Variants in ABCA13 observed in about 807,000 individuals in gnomAD.
ABCA13 encodes ATP binding cassette subfamily A member 13.
A neutral mutation model predicts 478.7 loss-of-function variants in ABCA13; 476 were observed. The observed-to-expected ratio is 0.99, with a 90% CI of 0.92 to 1.07. The LOEUF (loss-of-function observed/expected upper bound fraction) is 1.07. Among genes scored for constraint, ABCA13 ranks in the 50% least tolerant of loss-of-function variants. The pLI is 0.00. For synonymous variants in ABCA13, 2,252 were observed against 2,158.9 expected (o/e 1.04, Z -1.20); for missense variants, 6,060 against 5,910.6 (o/e 1.03, Z -0.83).
chr7:48,591,478 T>A (rs745868521), intron 57 of ABCA13, among the ~76,000 whole-genome samples: 1 of 152,018 alleles, frequency 6.6e-6, no homozygotes. Context: ...TTTTTAAATA[T>A]AAATTTCAGT....
At chr7:48,195,817 G>A (rs1797849851) in intron 2 of ABCA13, among the ~76,000 whole-genome samples, 1 of 152,096 alleles carries the variant, frequency 6.6e-6, no homozygotes, top group African/African-American at 2.4e-5. Context: ...GTCTGCCTGG[G>A]AAGCACTGAA....
At chr7:48,644,414 G>A (rs950370861) in intron 60 of ABCA13, among the ~76,000 whole-genome samples, 4 of 152,168 alleles carry the variant, frequency 2.6e-5, no homozygotes, top group African/African-American at 9.7e-5. Context: ...GGGCAGAACA[G>A]CAATGCCACT....
chr7:48,226,974 T>C (rs1237118385), intron 5 of ABCA13, among the ~76,000 whole-genome samples: 2 of 152,192 alleles, frequency 1.3e-5, no homozygotes, highest in African/African-American at 4.8e-5. Flanking sequence ...TAGAAGTTGG[T>C]ACAGCTTGTT....
chr7:48,504,161 C>G (rs1732340612), intron 48 of ABCA13, among the ~76,000 whole-genome samples: 1 of 152,088 alleles, frequency 6.6e-6, no homozygotes, highest in African/African-American at 2.4e-5. Context: ...ACAACATATG[C>G]CTGCAGCCAT....
At chr7:48,576,415 GT>G (rs1788191959) in intron 55 of ABCA13, among the ~76,000 whole-genome samples, 1 of 152,164 alleles carries the variant, frequency 6.6e-6, no homozygotes, top group Admixed American at 6.5e-5. Context: ...GATTCTCCAT[GT>G]GAAGACAGGG....
chr7:48,403,686 T>G lies in ABCA13; in HGVS notation c.11877T>G (p.Thr3959=). The change falls in exon 39 of 62, where the codon ACT becomes ACG. Residue 3959 remains threonine (T), a synonymous_variant. Transcript: ENST00000435803. The stretch of plus-strand genomic sequence containing the variant: ...TGATGTTTTCTTCTAATTTCAGAAC[T>G]CTTCAGGATGTGGACTTAACTCAGC... ...KKELHQQVNQ[T]LQDVDLTQHQ... is the part of the protein sequence containing the mutation. The G allele has an allele frequency of 6.2e-7, 1 of 1,613,726 alleles. No homozygotes were observed. Among genetic ancestry groups the G allele is most frequent in the South Asian group, 1.1e-5 (1 of 91,022 alleles).
At chr7:48,173,675 A>G (rs1474127532) in intron 1 of ABCA13, among the ~76,000 whole-genome samples, 1 of 152,256 alleles carries the variant, frequency 6.6e-6, no homozygotes, top group Non-Finnish European at 1.5e-5. Context: ...GAAACAACAC[A>G]AGTGGTTCCA....
chr7:48,531,965 C>T (rs539593736), intron 55 of ABCA13, among the ~76,000 whole-genome samples: 71 of 152,140 alleles, frequency 4.7e-4, no homozygotes, highest in Non-Finnish European at 9.0e-4. Flanking sequence ...CTGACTTCCT[C>T]TTTACCAATT....
intron 43 of ABCA13, among the ~76,000 whole-genome samples, chr7:48,466,059 T>C (rs1826844063): frequency 6.6e-6 from 1 of 152,200 alleles, no homozygotes; most frequent in South Asian, 2.1e-4. Flanking sequence ...AAAAGTATTT[T>C]ATAAATAATG....
At chr7:48,301,501 C>T (rs1800151298) in intron 23 of ABCA13, among the ~76,000 whole-genome samples, 1 of 151,882 alleles carries the variant, frequency 6.6e-6, no homozygotes, top group South Asian at 2.1e-4. Flanking sequence ...AGAGCAGACA[C>T]TGGTCAAAAT....
At chr7:48,405,964 A>G (rs1818208810) in intron 39 of ABCA13, among the ~76,000 whole-genome samples, 1 of 152,234 alleles carries the variant, frequency 6.6e-6, no homozygotes, top group Non-Finnish European at 1.5e-5. Flanking sequence ...TGTGTTTTCA[A>G]GAATCAAAAT....
chr7:48,263,490 C>A (rs1010732682), intron 15 of ABCA13, among the ~76,000 whole-genome samples: 2 of 151,798 alleles, frequency 1.3e-5, no homozygotes, highest in African/African-American at 4.8e-5. Flanking sequence ...GCATTTGACA[C>A]AGATTCTTAA....
intron 45 of ABCA13, among the ~76,000 whole-genome samples, chr7:48,473,011 G>T (rs1217478836): frequency 6.6e-6 from 1 of 152,164 alleles, no homozygotes; most frequent in Non-Finnish European, 1.5e-5. Flanking sequence ...AAGGTGAAAG[G>T]CACTTCTTAC....
In ABCA13 at chr7:48,554,805, G is replaced by T. The variant is rs144988828; in HGVS notation, c.14355-25419G>T. On this transcript the variant is annotated intron_variant, in intron 55 of 61. Coordinates refer to ENST00000435803, the MANE Select transcript of ABCA13 (RefSeq NM_152701.5). ...TGAGTTCTTCCTTTCTAGTGTGGAT[G>T]CCCTTTATTATTATTATTTATTATT... Among the ~76,000 whole-genome samples the T allele has an allele frequency of 6.3e-3, 933 of 147,372 alleles. 8 individuals are homozygous for T. The highest frequency in any genetic ancestry group is 0.022 in the African/African-American group (884 of 39,676).
At chr7:48,626,519 C>A in intron 59 of ABCA13, 1 of 761,256 alleles carries the variant, frequency 1.3e-6, no homozygotes, top group Non-Finnish European at 1.6e-6. Flanking sequence ...AAAAAAAAGG[C>A]AAAATAATGG....
intron 59 of ABCA13, among the ~76,000 whole-genome samples, chr7:48,622,995 G>C (rs1793297079): frequency 6.6e-6 from 1 of 152,136 alleles, no homozygotes; most frequent in Admixed American, 6.5e-5. Context: ...TGAAAGAAGT[G>C]AGCCTCCTAC....
At chr7:48,355,638 T>C (rs904207219) in intron 31 of ABCA13, among the ~76,000 whole-genome samples, 1 of 152,002 alleles carries the variant, frequency 6.6e-6, no homozygotes, top group African/African-American at 2.4e-5. Flanking sequence ...TGATGGTGGC[T>C]TGGTCCAGTG....
chr7:48,476,665 G>C (rs1828129271), intron 45 of ABCA13, among the ~76,000 whole-genome samples: 1 of 152,156 alleles, frequency 6.6e-6, no homozygotes, highest in Non-Finnish European at 1.5e-5. Context: ...CAATCTTGTA[G>C]TTAGTCTTCA....
intron 42 of ABCA13, among the ~76,000 whole-genome samples, chr7:48,429,752 G>T (rs905877595): frequency 2.0e-5 from 3 of 152,156 alleles, no homozygotes; most frequent in African/African-American, 7.2e-5. Context: ...CTTAATTGTG[G>T]AGTGTTTTTA....
Sources: gnomAD v4.1 joint callset for allele counts (sites outside exome capture counted in the v4.1 genomes callset) on GRCh38, gnomAD v4.1.1 for gene constraint, MANE v1.5 for transcripts, NCBI Gene and HGNC (gene_info 2026-07-23, HGNC 2026-07-21) for gene names.